Variants in DNAJC27 observed in about 807,000 individuals in gnomAD.
DNAJC27 encodes the protein DnaJ heat shock protein family (Hsp40) member C27.
Under a neutral mutation model 31.4 loss-of-function variants are expected in DNAJC27, and 25 were observed. The ratio of observed to expected loss-of-function variants is 0.80; its 90% CI spans 0.58 to 1.11. DNAJC27 has a LOEUF of 1.11. DNAJC27 is among the 50% of genes most tolerant of loss of function. The probability of loss-of-function intolerance (pLI) is 0.00; values close to 1 mark genes in which losing one functional copy is unlikely to be tolerated. For synonymous variants in DNAJC27, 106 were observed against 112.7 expected (o/e 0.94, Z 0.37); for missense variants, 356 against 347.3 (o/e 1.02, Z -0.20).
intron 6 of DNAJC27, among the ~76,000 whole-genome samples, chr2:24,951,157 T>C (rs1665765789): frequency 6.6e-6 from 1 of 152,278 alleles, no homozygotes; most frequent in Admixed American, 6.5e-5. Flanking sequence ...AAGCAGAGCA[T>C]ACCATTTCAT....
chr2:24,957,214 A>C, intron 4 of DNAJC27, 49 bp from the exon 5 acceptor site: 1 of 1,529,766 alleles, frequency 6.5e-7, no homozygotes, highest in Non-Finnish European at 8.7e-7. Flanking sequence ...ATCTTGTCCT[A>C]CTAGAATGGA....
At chr2:24,967,004 G>T (rs539045106) in intron 2 of DNAJC27, among the ~76,000 whole-genome samples, 1 of 152,264 alleles carries the variant, frequency 6.6e-6, no homozygotes, top group South Asian at 2.1e-4. Context: ...CTGGTGAATG[G>T]GATGTGCTCA....
intron 3 of DNAJC27, among the ~76,000 whole-genome samples, chr2:24,958,917 G>A (rs1034614747): frequency 2.6e-5 from 4 of 152,144 alleles, no homozygotes; most frequent in Non-Finnish European, 5.9e-5. Flanking sequence ...ATTCCCAAAT[G>A]TACTCAGACC....
At chr2:24,958,086 C>A in intron 3 of DNAJC27, 112 bp from the exon 4 acceptor site, 2 of 964,588 alleles carry the variant, frequency 2.1e-6, no homozygotes, top group South Asian at 1.7e-5. Context: ...TTAGTGTTTG[C>A]TATTGTATCT....
At chr2:24,966,497 C>T (rs1666185951) in intron 2 of DNAJC27, among the ~76,000 whole-genome samples, 1 of 151,970 alleles carries the variant, frequency 6.6e-6, no homozygotes, top group African/African-American at 2.4e-5. Context: ...GTCTCACTGT[C>T]GCCCAGGCTG....
intron 1 of DNAJC27, chr2:24,971,431 C>CG (rs1666333755): frequency 6.2e-6 from 1 of 162,320 alleles, no homozygotes; most frequent in African/African-American, 2.4e-5. Flanking sequence ...AACGTTCCGC[C>CG]GGCTCCCAGG....
At position 24,947,043 on chromosome 2, in the gene DNAJC27, G is replaced by A. The variant is rs1055886498; in HGVS notation, c.*573C>T. 5.9e-5 allele frequency: 9 copies of A among 152,226 alleles called. No individual in the cohort carries two copies. The highest frequency in any genetic ancestry group is 2.2e-4 in the African/African-American group (9 of 41,434). The allele number at this position is 152,226 out of a possible 1,614,324, so 9.4% of individuals were successfully genotyped here. On this transcript the variant is annotated 3_prime_UTR_variant, in exon 7 of 7. Transcript: ENST00000264711. Reference sequence around the variant, plus strand: ...AACAGAGTGAATATCATAAAGGAATGCTCAATTCAGAACTGTATCACCTCA... The same window carrying A: ...AACAGAGTGAATATCATAAAGGAATACTCAATTCAGAACTGTATCACCTCA...
At chr2:24,958,597 C>T in intron 3 of DNAJC27, 1 of 412,734 alleles carries the variant, frequency 2.4e-6, no homozygotes, top group Non-Finnish European at 5.0e-6. Context: ...TCTCAGTTTC[C>T]TCATCTGTAA....
rs1432030000 is a variant in DNAJC27, at chr2:24,945,363, G to A, written c.*2253C>T. 1.3e-5 allele frequency: 2 copies of A among 152,132 alleles called. No homozygotes were observed. The highest frequency in any genetic ancestry group is 3.8e-4 in the East Asian group (2 of 5,198). The allele number at this position is 152,132 out of a possible 1,614,324, so 9.4% of individuals were successfully genotyped here. On this transcript the variant is annotated 3_prime_UTR_variant, in exon 7 of 7. Transcript: ENST00000264711. ...TAAATTTCACCAACTCACACATAAGGATATGAGTGGGAGCACTAATGAATT... is the reference window on the plus strand; with the variant it reads ...TAAATTTCACCAACTCACACATAAGAATATGAGTGGGAGCACTAATGAATT...
In DNAJC27 at chr2:24,952,645, T is replaced by A. The variant is rs533758167; in HGVS notation, c.529-1091A>T. 2.0e-5 allele frequency among the ~76,000 whole-genome samples: 3 copies of A among 152,244 alleles called. No individual in the cohort carries two copies. In the South Asian group the frequency reaches 6.2e-4, roughly 32 times the overall value. ...AGCAGAACTGTTGAGAAAGAGTATATGCGCATTTTAATTTTTGAGTCTGAC... is the reference window on the plus strand; with the variant it reads ...AGCAGAACTGTTGAGAAAGAGTATAAGCGCATTTTAATTTTTGAGTCTGAC... On this transcript the variant is annotated intron_variant, in intron 5 of 6. Transcript: ENST00000264711.
chr2:24,963,902 C>T (rs1666111003), intron 2 of DNAJC27, among the ~76,000 whole-genome samples: 2 of 152,114 alleles, frequency 1.3e-5, no homozygotes. Context: ...AGAATAACAA[C>T]GATGTATATT....
Position 24,951,480 on chromosome 2 carries a change from G to A in DNAJC27, c.603C>T (p.Phe201=). 6.2e-7 allele frequency: 1 copy of A among 1,613,704 alleles called. No homozygotes were observed. The highest frequency in any genetic ancestry group is 8.5e-7 in the Non-Finnish European group (1 of 1,179,814). Reference sequence around the variant, plus strand: ...GAATGGCATCTGCTTGTTCTTTGGTGAAACTAGCACTGCTATTGGTGGTAG... The same window carrying A: ...GAATGGCATCTGCTTGTTCTTTGGTAAAACTAGCACTGCTATTGGTGGTAG... ...KRPTTNSSAS[F]TKEQADAIRR... Residue 201 remains phenylalanine, a synonymous_variant, in exon 6 of 7, where the codon TTC becomes TTT. Coordinates refer to ENST00000264711, the MANE Select transcript of DNAJC27 (RefSeq NM_016544.3).
chr2:24,965,672 G>A (rs1666163894), intron 2 of DNAJC27, among the ~76,000 whole-genome samples: 1 of 152,174 alleles, frequency 6.6e-6, no homozygotes, highest in African/African-American at 2.4e-5. Context: ...GAAAAATGGT[G>A]CTGTAAGAGC....
Position 24,947,562 on chromosome 2 carries a change from C to T in DNAJC27, c.*54G>A. On this transcript the variant is annotated 3_prime_UTR_variant, in exon 7 of 7. Transcript: ENST00000264711. ...AAACTCCACGTTGGTTATTTCACCT[C>T]TAGGGAAAGTCTGTTTGCATTTGAG... The T allele has an allele frequency of 6.4e-7, 1 of 1,551,776 alleles. No individual in the cohort carries two copies. Among genetic ancestry groups the T allele is most frequent in the Non-Finnish European group, 8.8e-7 (1 of 1,139,456 alleles).
rs748761795 is a variant in DNAJC27 at position 24,963,395 on chromosome 2, G to C, written c.240+10C>G. The C allele has an allele frequency of 1.2e-6, 2 of 1,610,538 alleles. No individual in the cohort carries two copies. The highest frequency in any genetic ancestry group is 8.5e-7 in the Non-Finnish European group (1 of 1,177,316). On this transcript the variant is annotated intron_variant, in intron 3 of 6. Transcript: ENST00000264711. ...ACTGGATATAGGTTTTGTCAAAAAG[G>C]CTTTCTTACCTCATAGAAGAAGGGA...
Position 24,947,612 on chromosome 2 carries a change from C to T in DNAJC27, c.*4G>A. 1 of 1,599,520 alleles carries T rather than the reference C, an allele frequency of 6.3e-7. No individual in the cohort carries two copies. Among genetic ancestry groups the T allele is most frequent in the Non-Finnish European group, 8.6e-7 (1 of 1,169,236 alleles). On this transcript the variant is annotated 3_prime_UTR_variant, in exon 7 of 7. Coordinates refer to ENST00000264711, the MANE Select transcript of DNAJC27 (RefSeq NM_016544.3). ...GTCCCACATGTGGCTTTTTTCTGTA[C>T]TTTCTACTTGATGTTTTTCAGGAGG... is the stretch of plus-strand genomic sequence containing the variant.
intron 2 of DNAJC27, among the ~76,000 whole-genome samples, chr2:24,963,710 T>C (rs1232807540): frequency 6.6e-6 from 1 of 152,216 alleles, no homozygotes; most frequent in Non-Finnish European, 1.5e-5. Flanking sequence ...TACTTCACTT[T>C]CACCTTCACT....
In DNAJC27 at chr2:24,971,870, C is replaced by G; in HGVS notation, c.35G>C (p.Gly12Ala). Residue 12 changes from glycine (G) to alanine (A), a missense_variant, in exon 1 of 7, where the codon GGC becomes GCC. By Grantham distance (60) the Gly-to-Ala change is moderately conservative. Transcript: ENST00000264711. ...GATGACTTTGATGCGGAGAGACCTG[C>G]CGGGCTCCTTCCGCTTCGGCATGTT... Reference protein sequence around the residue: ...EANMPKRKEPGRSLRIKVISM... With the variant: ...EANMPKRKEPARSLRIKVISM... 6.2e-7 allele frequency: 1 copy of G among 1,609,446 alleles called. No homozygotes were observed. The highest frequency in any genetic ancestry group is 1.7e-4 in the Middle Eastern group (1 of 6,052).
intron 3 of DNAJC27, 152 bp from the exon 4 acceptor site, chr2:24,958,126 T>C (rs900821566): frequency 1.4e-6 from 1 of 712,348 alleles, no homozygotes; most frequent in Non-Finnish European, 2.2e-6. Flanking sequence ...GGGTTTTTTA[T>C]AGAATCAAAG....
Sources: allele counts gnomAD v4.1 joint callset (sites outside exome capture counted in the v4.1 genomes callset), GRCh38; gene constraint gnomAD v4.1.1; transcripts MANE v1.5; gene names NCBI Gene and HGNC (gene_info 2026-07-23, HGNC 2026-07-21).